Variants in RIBC2 observed in about 807,000 individuals in gnomAD.
The protein encoded by RIBC2 is RIB43A-like with coiled-coils protein 2.
In RIBC2, 40 loss-of-function variants were observed where a neutral mutation model predicts 44.3. The observed-to-expected ratio is 0.90, with a 90% CI of 0.70 to 1.18. RIBC2 has a LOEUF of 1.18. Among genes scored for constraint, RIBC2 ranks in the 50% most tolerant of loss-of-function variants. RIBC2 has a pLI of 0.00. For synonymous variants in RIBC2, 171 were observed against 175.0 expected (o/e 0.98, Z 0.18); for missense variants, 459 against 485.5 (o/e 0.95, Z 0.51).
chr22:45,415,697 C>CT (rs201281394), intron 2 of RIBC2, among the ~76,000 whole-genome samples: 2,939 of 151,688 alleles, frequency 0.019, 94 homozygotes, highest in African/African-American at 0.066. Flanking sequence ...CATTCCCATG[C>CT]TTTTTTTTCT....
chr22:45,426,091 G>A lies in RIBC2; in HGVS notation c.819G>A (p.Val273=). ...CCAGCTCCTTCGGGCCCCACCGCGT[G>A]GTCCCTGACCGCTGGAAGGGCATGA... ...QAASSFGPHR[V]VPDRWKGMTQ... The change falls in exon 5 of 7, where the codon GTG becomes GTA. Residue 273 remains valine (V), a synonymous_variant. Coordinates refer to ENST00000614167, the MANE Select transcript of RIBC2 (RefSeq NM_015653.5). 4 of 1,614,044 alleles carry A rather than the reference G, an allele frequency of 2.5e-6. No homozygotes were observed. The highest frequency in any genetic ancestry group is 3.4e-6 in the Non-Finnish European group (4 of 1,180,018).
At chr22:45,430,142 C>T (rs545470633) in intron 5 of RIBC2, among the ~76,000 whole-genome samples, 4 of 152,314 alleles carry the variant, frequency 2.6e-5, no homozygotes, top group Non-Finnish European at 5.9e-5. Flanking sequence ...CGCCAGCCTG[C>T]CTTCAGTCCC....
chr22:45,424,027 T>G (rs2087510639), intron 4 of RIBC2, among the ~76,000 whole-genome samples: 1 of 152,128 alleles, frequency 6.6e-6, no homozygotes, highest in African/African-American at 2.4e-5. Flanking sequence ...TGGCTTTTGC[T>G]AAACCCTATT....
At position 45,432,267 on chromosome 22, in the gene RIBC2, TC is replaced by T. The variant is rs1297825995; in HGVS notation, c.1071-16del. 1 of 1,430,760 alleles carries T rather than the reference TC, an allele frequency of 7.0e-7. No individual in the cohort carries two copies. The highest frequency in any genetic ancestry group is 2.0e-5 in the Admixed American group (1 of 49,824). The allele number at this position is 1,430,760 out of a possible 1,614,324, so 88.6% of individuals were successfully genotyped here. On this transcript the variant is annotated splice_polypyrimidine_tract_variant and intron_variant, in intron 6 of 6. Transcript: ENST00000614167. The stretch of plus-strand genomic sequence containing the variant: ...TACACATTTGCTGACCTTTTTTTTT[TC>T]TCATTTTGTTATCAGGAAAAAATAT...
At chr22:45,430,749 G>A in intron 5 of RIBC2, 151 bp from the exon 6 acceptor site, 1 of 1,001,248 alleles carries the variant, frequency 1.0e-6, no homozygotes. Flanking sequence ...GGTCTCCTCT[G>A]GCTTCCTGCA....
chr22:45,431,376 C>T (rs2087579061), intron 6 of RIBC2, among the ~76,000 whole-genome samples: 1 of 152,248 alleles, frequency 6.6e-6, no homozygotes, highest in Admixed American at 6.5e-5. Context: ...GAGGATGGCA[C>T]TGCCTATTCA....
chr22:45,416,771 A>G (rs771522228), intron 2 of RIBC2, among the ~76,000 whole-genome samples: 6 of 150,358 alleles, frequency 4.0e-5, no homozygotes, highest in Non-Finnish European at 8.9e-5. Flanking sequence ...CAAATGAGAG[A>G]TCTTGTTTCC....
chr22:45,416,987 T>C (rs1158010419), intron 2 of RIBC2, among the ~76,000 whole-genome samples: 1 of 150,714 alleles, frequency 6.6e-6, no homozygotes, highest in East Asian at 2.0e-4. Flanking sequence ...TAGCAACCTC[T>C]GCCTCCTGGG....
intron 6 of RIBC2, among the ~76,000 whole-genome samples, chr22:45,431,777 G>A (rs1403147543): frequency 6.6e-6 from 1 of 152,064 alleles, no homozygotes; most frequent in Non-Finnish European, 1.5e-5. Context: ...AGACCAGACT[G>A]GCCAACATGG....
intron 5 of RIBC2, 34 bp from the exon 6 acceptor site, chr22:45,430,866 A>C: frequency 6.6e-7 from 1 of 1,514,618 alleles, no homozygotes; most frequent in South Asian, 1.3e-5. Flanking sequence ...GGCTCTGGGG[A>C]AAGGTGGTGG....
rs190804736 is a variant in RIBC2 at position 45,422,530 on chromosome 22, C to A, written c.675+122C>A. The A allele has an allele frequency of 1.5e-4, 108 of 742,382 alleles. No homozygotes were observed. In the East Asian group the frequency reaches 2.6e-3, roughly 18 times the overall value. 46.0% of individuals were successfully genotyped at this position (742,382 alleles called of 1,614,324 possible). A position where few individuals can be genotyped will look rare whatever the true frequency, so the allele number is the denominator to read the frequency against. ...TCAGCCTGCTCCCTGGTCACATGAC[C>A]GGCCCTGACAGAGACCCTGATGGGC... On this transcript the variant is annotated intron_variant, in intron 4 of 6. Coordinates refer to ENST00000614167, the MANE Select transcript of RIBC2 (RefSeq NM_015653.5).
chr22:45,423,514 G>A (rs551537385), intron 4 of RIBC2, among the ~76,000 whole-genome samples: 1 of 152,286 alleles, frequency 6.6e-6, no homozygotes, highest in East Asian at 1.9e-4. Context: ...CCATGTACAT[G>A]TGTAGTTATA....
At position 45,431,021 on chromosome 22, in the gene RIBC2, C is replaced by A; in HGVS notation, c.1025C>A (p.Ala342Asp). The change falls in exon 6 of 7, where the codon GCT (alanine) becomes GAT (aspartate). Residue 342 changes from alanine (A) to aspartate (D), a missense_variant. By Grantham distance (126) the Ala-to-Asp change is moderately radical. Coordinates refer to ENST00000614167, the MANE Select transcript of RIBC2 (RefSeq NM_015653.5). ...QWRRQRDLRR[A>D]LDSSNLSLAK... Reference sequence around the variant, plus strand: ...CGGCGGCAGCGCGACCTGCGCAGAGCTCTGGACAGCAGCAACCTCAGCCTG... The same window carrying A: ...CGGCGGCAGCGCGACCTGCGCAGAGATCTGGACAGCAGCAACCTCAGCCTG... 6.3e-7 allele frequency: 1 copy of A among 1,587,342 alleles called. No individual in the cohort carries two copies. The highest frequency in any genetic ancestry group is 8.6e-7 in the Non-Finnish European group (1 of 1,167,398).
At chr22:45,419,570 C>G (rs1012555918) in intron 3 of RIBC2, among the ~76,000 whole-genome samples, 1 of 151,964 alleles carries the variant, frequency 6.6e-6, no homozygotes, top group Non-Finnish European at 1.5e-5. Flanking sequence ...CTCATCTCTA[C>G]AAAAAATTAA....
intron 5 of RIBC2, among the ~76,000 whole-genome samples, chr22:45,429,542 G>A (rs1346472809): frequency 2.0e-5 from 3 of 152,126 alleles, no homozygotes; most frequent in Admixed American, 6.5e-5. Context: ...CAGGGCATGA[G>A]GAGTGGGTGG....
chr22:45,413,958 G>A lies in RIBC2; in HGVS notation c.72G>A (p.Arg24=). ...LRQDANLAKR[R]HAELCRQKRV... ...AGGACGCCAACCTGGCAAAGAGGAGGCACGCGGAGCTGTGCAGGCAGAAGC... is the reference window on the plus strand; with the variant it reads ...AGGACGCCAACCTGGCAAAGAGGAGACACGCGGAGCTGTGCAGGCAGAAGC... Residue 24 remains arginine (R), a synonymous_variant, in exon 1 of 7, where the codon AGG becomes AGA. Coordinates refer to ENST00000614167, the MANE Select transcript of RIBC2 (RefSeq NM_015653.5). 6.4e-7 allele frequency: 1 copy of A among 1,551,732 alleles called. No homozygotes were observed. The highest frequency in any genetic ancestry group is 8.7e-7 in the Non-Finnish European group (1 of 1,146,998).
chr22:45,431,145 G>A (rs1602123703), intron 6 of RIBC2, 79 bp downstream of exon 6: 3 of 1,465,072 alleles, frequency 2.0e-6, no homozygotes, highest in East Asian at 4.9e-5. Flanking sequence ...AGGACGAGGA[G>A]GGGGCAGGAG....
Position 45,413,831 on chromosome 22 carries a change from A to C in RIBC2, c.-56A>C. The C allele has an allele frequency of 6.7e-7, 1 of 1,496,442 alleles. No homozygotes were observed. The highest frequency in any genetic ancestry group is 2.3e-5 in the Admixed American group (1 of 43,304). The allele number at this position is 1,496,442 out of a possible 1,614,324, so 92.7% of individuals were successfully genotyped here. On this transcript the variant is annotated 5_prime_UTR_variant, in exon 1 of 7. Transcript: ENST00000614167. ...ACCTTGCCTGCGCTACAGCTTCCTT[A>C]TTTTCGTCGCCTGTTCTCCTGATCC...
At chr22:45,428,721 G>C (rs999292298) in intron 5 of RIBC2, among the ~76,000 whole-genome samples, 1 of 152,192 alleles carries the variant, frequency 6.6e-6, no homozygotes, top group Non-Finnish European at 1.5e-5. Flanking sequence ...TTAGTGCTAA[G>C]TGGTCATCTA....
Sources: gnomAD v4.1 joint callset for allele counts (sites outside exome capture counted in the v4.1 genomes callset) on GRCh38, gnomAD v4.1.1 for gene constraint, MANE v1.5 for transcripts, NCBI Gene and HGNC (gene_info 2026-07-23, HGNC 2026-07-21) for gene names.